The following CIMAP3 variants were observed in gnomAD, a reference collection of about 807,000 sequenced individuals.
The protein encoded by CIMAP3 is ciliary microtubule-associated protein 3.
the CIMAP3 span, chr1:111,351,540 C>T: frequency 2.6e-6 from 1 of 389,238 alleles, no homozygotes; most frequent in East Asian, 3.9e-5. Context: ...ACGTGCATGT[C>T]TGGGTCTGTG....
the CIMAP3 span, chr1:111,346,806 T>C: frequency 6.4e-7 from 1 of 1,574,626 alleles, no homozygotes; most frequent in African/African-American, 1.3e-5. Flanking sequence ...AGCGCACGGT[T>C]GGGCCCTGTC....
chr1:111,336,087 A>G, the CIMAP3 span, among the ~76,000 whole-genome samples: 17 of 152,346 alleles, frequency 1.1e-4, no homozygotes, highest in African/African-American at 3.6e-4. Context: ...ACCTAGGCAA[A>G]CAGGGTCTGG....
At chr1:111,347,137 C>A in the CIMAP3 span, 1 of 1,439,432 alleles carries the variant, frequency 6.9e-7, no homozygotes, top group Non-Finnish European at 9.3e-7. Context: ...AGAAAAAATT[C>A]TGTGGGACTT....
chr1:111,347,191 G>C, the CIMAP3 span: 1 of 995,302 alleles, frequency 1.0e-6, no homozygotes, highest in African/African-American at 1.7e-5. Flanking sequence ...CTGTTCTTCT[G>C]CAAGCAGCTG....
At chr1:111,332,727 T>G in the CIMAP3 span, among the ~76,000 whole-genome samples, 2 of 152,134 alleles carry the variant, frequency 1.3e-5, no homozygotes, top group African/African-American at 4.8e-5. Flanking sequence ...GACTGCTTCT[T>G]GGGCCTAGGA....
chr1:111,328,271 T>G, the CIMAP3 span, among the ~76,000 whole-genome samples: 1,206 of 152,332 alleles, frequency 7.9e-3, 16 homozygotes, highest in African/African-American at 0.027. Context: ...TGTCCAATTA[T>G]GTGGTCGATT....
At chr1:111,343,953 A>G in the CIMAP3 span, among the ~76,000 whole-genome samples, 63 of 152,074 alleles carry the variant, frequency 4.1e-4, no homozygotes, top group Non-Finnish European at 8.2e-4. Flanking sequence ...TCGCTTCCCT[A>G]TGTTCACCTT....
At chr1:111,332,242 G>T in the CIMAP3 span, among the ~76,000 whole-genome samples, 3 of 152,140 alleles carry the variant, frequency 2.0e-5, no homozygotes, top group Non-Finnish European at 4.4e-5. Context: ...CTTCTTGGTT[G>T]GTCTGAGGAT....
the CIMAP3 span, among the ~76,000 whole-genome samples, chr1:111,348,033 T>A: frequency 6.6e-6 from 1 of 152,234 alleles, no homozygotes; most frequent in Non-Finnish European, 1.5e-5. Flanking sequence ...AGTGTTGAGA[T>A]GCCTGAGGTT....
the CIMAP3 span, chr1:111,351,589 G>A: frequency 3.3e-6 from 1 of 306,814 alleles, no homozygotes; most frequent in Non-Finnish European, 6.0e-6. Context: ...TTTCATTTTA[G>A]TGAAATATTT....
At chr1:111,339,776 C>T in the CIMAP3 span, among the ~76,000 whole-genome samples, 3 of 151,756 alleles carry the variant, frequency 2.0e-5, no homozygotes, top group African/African-American at 7.3e-5. Context: ...AATGGCCATA[C>T]TGCCCAAGGT....
chr1:111,338,878 A>G, the CIMAP3 span, among the ~76,000 whole-genome samples: 1,175 of 152,272 alleles, frequency 7.7e-3, 16 homozygotes, highest in African/African-American at 0.026. Context: ...TCCTGATACC[A>G]AAGCCTGGCG....
chr1:111,347,183 G>T, the CIMAP3 span: 13 of 1,050,660 alleles, frequency 1.2e-5, no homozygotes, highest in East Asian at 2.7e-5. Context: ...AAAGCGCTCT[G>T]TTCTTCTGCA....
chr1:111,325,882 G>A, the CIMAP3 span, among the ~76,000 whole-genome samples: 116 of 152,200 alleles, frequency 7.6e-4, no homozygotes, highest in Admixed American at 4.7e-3. Flanking sequence ...CCAGTATTAG[G>A]AGAACTAATA....
chr1:111,352,731 T>A, the CIMAP3 span: 4 of 152,230 alleles, frequency 2.6e-5, no homozygotes, highest in African/African-American at 9.7e-5. Flanking sequence ...TACCCACATG[T>A]GCAGATTTTT....
the CIMAP3 span, among the ~76,000 whole-genome samples, chr1:111,337,673 C>T: frequency 6.6e-6 from 1 of 152,206 alleles, no homozygotes; most frequent in South Asian, 2.1e-4. Flanking sequence ...GCACCCAATA[C>T]AGGAGCACCC....
chr1:111,334,973 C>T, the CIMAP3 span, among the ~76,000 whole-genome samples: 1 of 151,594 alleles, frequency 6.6e-6, no homozygotes, highest in Non-Finnish European at 1.5e-5. Context: ...ACCAAAAATA[C>T]AAAAATTAGC....
chr1:111,332,668 G>A, the CIMAP3 span, among the ~76,000 whole-genome samples: 1 of 152,192 alleles, frequency 6.6e-6, no homozygotes, highest in East Asian at 1.9e-4. Context: ...GGGCTTTTCT[G>A]AGACACAGAC....
At chr1:111,343,113 C>T in the CIMAP3 span, among the ~76,000 whole-genome samples, 2 of 152,100 alleles carry the variant, frequency 1.3e-5, no homozygotes, top group East Asian at 3.8e-4. Flanking sequence ...TTTTCAGCAA[C>T]AATACTTTTT....
Sources: gnomAD v4.1 joint callset for allele counts (sites outside exome capture counted in the v4.1 genomes callset) on GRCh38, gnomAD v4.1.1 for gene constraint, MANE v1.5 for transcripts, NCBI Gene and HGNC (gene_info 2026-07-23, HGNC 2026-07-21) for gene names.